RBFOX1: variants seen among roughly 807,000 people sequenced by gnomAD.
RBFOX1 encodes RNA binding protein fox-1 homolog 1.
In RBFOX1, 8 loss-of-function variants were observed where a neutral mutation model predicts 57.7. That is an observed-to-expected ratio of 0.14 (90% CI 0.08 to 0.25). RBFOX1 has a LOEUF of 0.25. RBFOX1 is among the 10% of genes least tolerant of loss of function. The pLI is 1.00. For synonymous variants in RBFOX1, 326 were observed against 222.4 expected, an observed-to-expected ratio of 1.47 and a Z score of -4.15; for missense variants, 611 against 548.5, an observed-to-expected ratio of 1.11 and a Z score of -1.14.
chr16:6,361,011 C>G (rs2088391531), intron 2 of RBFOX1, among the ~76,000 whole-genome samples: 1 of 151,724 alleles, frequency 6.6e-6, no homozygotes, highest in Admixed American at 6.6e-5. Flanking sequence ...TTTGAAGAGA[C>G]TCTGAAATGA....
chr16:6,377,136 A>T (rs1209850713), intron 2 of RBFOX1, among the ~76,000 whole-genome samples: 1 of 151,840 alleles, frequency 6.6e-6, no homozygotes, highest in Non-Finnish European at 1.5e-5. Flanking sequence ...TTAGCTGAGC[A>T]CGGTGGCCTG....
At chr16:6,717,163 C>T (rs982377041) in intron 3 of RBFOX1, among the ~76,000 whole-genome samples, 13 of 151,956 alleles carry the variant, frequency 8.6e-5, no homozygotes, top group African/African-American at 1.5e-4. Context: ...TTAAGATGCA[C>T]GGTCTATGGT....
chr16:6,425,792 C>G (rs904496431), intron 2 of RBFOX1, among the ~76,000 whole-genome samples: 1 of 152,066 alleles, frequency 6.6e-6, no homozygotes, highest in Non-Finnish European at 1.5e-5. Flanking sequence ...TTCTTTTATT[C>G]AGGGAGAAAG....
chr16:7,427,710 A>T (rs573886859), intron 4 of RBFOX1, among the ~76,000 whole-genome samples: 1 of 151,076 alleles, frequency 6.6e-6, no homozygotes, highest in East Asian at 2.0e-4. Context: ...ATGGAGTGCA[A>T]TGGCTGGATC....
intron 3 of RBFOX1, among the ~76,000 whole-genome samples, chr16:6,757,958 C>T (rs72766719): frequency 0.27 from 40,381 of 151,962 alleles, 5,899 homozygotes; most frequent in South Asian, 0.36. Context: ...ACAATTACAA[C>T]AACATCCAGG....
rs138182824 is a variant in RBFOX1 at position 6,614,710 on chromosome 16, A to G, written c.-63-39893A>G. Reference sequence around the variant, plus strand: ...TTGGTGTTCCTCGGCTTATGGGTCTATCACTCCAGTCTCTGGCTTTATCTT... The same window carrying G: ...TTGGTGTTCCTCGGCTTATGGGTCTGTCACTCCAGTCTCTGGCTTTATCTT... On this transcript the variant is annotated intron_variant, in intron 2 of 15. Transcript: ENST00000550418. Among the ~76,000 whole-genome samples the G allele has an allele frequency of 8.1e-3, 1,226 of 152,194 alleles. 16 individuals are homozygous for G. Among genetic ancestry groups the G allele is most frequent in the African/African-American group, 0.028 (1,167 of 41,534 alleles).
chr16:7,311,214 A>C (rs2142602738), intron 4 of RBFOX1, among the ~76,000 whole-genome samples: 1 of 152,210 alleles, frequency 6.6e-6, no homozygotes, highest in East Asian at 1.9e-4. Flanking sequence ...CTTAGCACTC[A>C]GCCAAGCTCT....
At chr16:7,144,024 T>C (rs939563468) in intron 4 of RBFOX1, among the ~76,000 whole-genome samples, 5 of 152,194 alleles carry the variant, frequency 3.3e-5, no homozygotes, top group African/African-American at 9.7e-5. Context: ...GGTTCCTGTG[T>C]AGTTTTCAAG....
At chr16:6,803,933 G>C (rs1229816001) in intron 3 of RBFOX1, among the ~76,000 whole-genome samples, 1 of 152,002 alleles carries the variant, frequency 6.6e-6, no homozygotes, top group African/African-American at 2.4e-5. Context: ...CTGGCATCTT[G>C]TTTAGAACCC....
intron 4 of RBFOX1, among the ~76,000 whole-genome samples, chr16:7,454,062 G>A (rs758556701): frequency 1.3e-5 from 2 of 152,136 alleles, no homozygotes; most frequent in East Asian, 3.9e-4. Flanking sequence ...GTGAAACCCC[G>A]TCTCTACTAA....
intron 4 of RBFOX1, among the ~76,000 whole-genome samples, chr16:7,201,840 T>G (rs151324415): frequency 8.5e-5 from 13 of 152,298 alleles, no homozygotes; most frequent in African/African-American, 3.1e-4. Flanking sequence ...GAAGCTCATT[T>G]GGGCAGTGAC....
At chr16:5,260,331 T>A (rs1479303275) in intron 1 of RBFOX1, among the ~76,000 whole-genome samples, 1 of 151,936 alleles carries the variant, frequency 6.6e-6, no homozygotes, top group Non-Finnish European at 1.5e-5. Context: ...GAAATAAACC[T>A]CCTAATATTA....
intron 3 of RBFOX1, among the ~76,000 whole-genome samples, chr16:5,665,132 G>C (rs1180493340): frequency 1.3e-5 from 1 of 78,278 alleles, no homozygotes; most frequent in Non-Finnish European, 2.2e-5. Flanking sequence ...ATTTTTACAT[G>C]GGGGGGGGCG....
At chr16:6,738,073 A>G (rs1433446299) in intron 3 of RBFOX1, among the ~76,000 whole-genome samples, 1 of 130,950 alleles carries the variant, frequency 7.6e-6, no homozygotes, top group Non-Finnish European at 1.7e-5. Flanking sequence ...TTTTTGCGGT[A>G]ATTCTTAAAA....
intron 1 of RBFOX1, among the ~76,000 whole-genome samples, chr16:6,254,473 A>C (rs1430497123): frequency 6.6e-6 from 1 of 152,200 alleles, no homozygotes; most frequent in African/African-American, 2.4e-5. Context: ...CAGAGTGCTT[A>C]AGGATATGGG....
At position 6,212,731 on chromosome 16, in the gene RBFOX1, A is replaced by ACAAAC. The variant is rs56322231; in HGVS notation, c.-126-104264_-126-104263insCAAAC. Among the ~76,000 whole-genome samples the ACAAAC allele has an allele frequency of 2.7e-3, 406 of 150,476 alleles. 3 individuals are homozygous for ACAAAC. The highest frequency in any genetic ancestry group is 5.8e-3 in the African/African-American group (236 of 40,844). On this transcript the variant is annotated intron_variant, in intron 1 of 15. Transcript: ENST00000550418. ...AAAAAACAAACAAACAAACAAACAA[A>ACAAAC]AAAAAAACCCACTAATATGATAATG...
chr16:7,043,559 A>G (rs2046887902), intron 3 of RBFOX1, among the ~76,000 whole-genome samples: 1 of 152,202 alleles, frequency 6.6e-6, no homozygotes, highest in African/African-American at 2.4e-5. Flanking sequence ...AAAAACAGCA[A>G]CGCTGAGAAA....
At chr16:5,702,624 G>T (rs1447505913) in intron 3 of RBFOX1, among the ~76,000 whole-genome samples, 1 of 152,178 alleles carries the variant, frequency 6.6e-6, no homozygotes, top group African/African-American at 2.4e-5. Context: ...CTTTGTTGAG[G>T]TCTGTTTTAA....
intron 4 of RBFOX1, among the ~76,000 whole-genome samples, chr16:7,418,758 C>G (rs1436246849): frequency 1.3e-5 from 2 of 152,142 alleles, no homozygotes; most frequent in Non-Finnish European, 2.9e-5. Context: ...TTTCTCCTCT[C>G]TCTCACTGTG....
Sources: allele counts gnomAD v4.1 joint callset (sites outside exome capture counted in the v4.1 genomes callset), GRCh38; gene constraint gnomAD v4.1.1; transcripts MANE v1.5; gene names NCBI Gene and HGNC (gene_info 2026-07-23, HGNC 2026-07-21).